The following MED12L variants were observed in gnomAD, a reference collection of about 807,000 sequenced individuals.
MED12L encodes the protein mediator of RNA polymerase II transcription subunit 12-like protein.
A neutral mutation model predicts 281.3 loss-of-function variants in MED12L; 60 were observed. The ratio of observed to expected loss-of-function variants is 0.21; its 90% CI spans 0.17 to 0.26. MED12L has a LOEUF of 0.26. Ranked by LOEUF, MED12L falls within the 10% of genes least tolerant of loss-of-function variation. The probability of loss-of-function intolerance (pLI) is 1.00; values close to 1 mark genes in which losing one functional copy is unlikely to be tolerated. For missense variants in MED12L, 2,146 were observed against 2,680.9 expected (o/e 0.80, Z 4.41); for synonymous variants, 974 against 987.2 (o/e 0.99, Z 0.25).
chr3:151,406,802 CT>C (rs36114038), intron 39 of MED12L, among the ~76,000 whole-genome samples: 38,858 of 137,040 alleles, frequency 0.28, 5,633 homozygotes, highest in Non-Finnish European at 0.36. Flanking sequence ...TCTTCTTCTT[CT>C]TTTTTTTTTT....
At position 151,435,056 on chromosome 3, in the gene MED12L, A is replaced by C. The variant is rs915192493; in HGVS notation, c.*2252A>C. The C allele has an allele frequency of 7.3e-5, 10 of 136,204 alleles. No homozygotes were observed. The highest frequency in any genetic ancestry group is 1.5e-4 in the Non-Finnish European group (10 of 64,956). The allele number at this position is 136,204 out of a possible 1,614,324, so 8.4% of individuals were successfully genotyped here. On this transcript the variant is annotated 3_prime_UTR_variant, in exon 45 of 45. Transcript: ENST00000687756. ...CTCCCTGTTAATTCTGTATCTTGAG[A>C]GGTTTCTTTTTTTTTTTTTTTTTTT... is the stretch of plus-strand genomic sequence containing the variant.
Position 151,243,430 on chromosome 3 carries a change from C to A in MED12L, c.2250+49764C>A, listed in dbSNP as rs565105759. 2.9e-3 allele frequency among the ~76,000 whole-genome samples: 436 copies of A among 152,002 alleles called. 3 individuals are homozygous for A. The highest frequency in any genetic ancestry group is 0.01 in the African/African-American group (420 of 41,428). On this transcript the variant is annotated intron_variant, in intron 16 of 44. Coordinates refer to ENST00000687756, the MANE Select transcript of MED12L (RefSeq NM_001393769.1). Reference sequence around the variant, plus strand: ...AACAGCGGATCTCTCGGCAGAAACCCTACAAGCCAGAAGAGAGTGGGGGCC... The same window carrying A: ...AACAGCGGATCTCTCGGCAGAAACCATACAAGCCAGAAGAGAGTGGGGGCC...
chr3:151,088,060 A>G (rs1049883587), intron 2 of MED12L, among the ~76,000 whole-genome samples: 10 of 152,232 alleles, frequency 6.6e-5, no homozygotes, highest in Non-Finnish European at 1.5e-4. Flanking sequence ...TAGCACAGAA[A>G]GGGCCTTGTA....
intron 16 of MED12L, chr3:151,212,246 A>G (rs536619888): frequency 1.3e-5 from 2 of 152,336 alleles, no homozygotes; most frequent in Admixed American, 6.5e-5. Context: ...TTAATAGCAG[A>G]GAAAGAATTT....
chr3:151,215,886 G>T (rs980417010), intron 16 of MED12L, among the ~76,000 whole-genome samples: 4 of 152,152 alleles, frequency 2.6e-5, no homozygotes, highest in African/African-American at 9.7e-5. Context: ...ATTTCTCTCA[G>T]CCTGGACCTT....
At position 151,190,868 on chromosome 3, in the gene MED12L, G is replaced by A. The variant is rs377002834; in HGVS notation, c.1905G>A (p.Pro635=). 1.1e-5 allele frequency: 17 copies of A among 1,613,986 alleles called. No homozygotes were observed. Among genetic ancestry groups the A allele is most frequent in the Middle Eastern group, 1.6e-4 (1 of 6,084 alleles). ...GDLSVTASTR[P]RSPVGENADE... is the part of the protein sequence containing the mutation. ...TGTCAGTCACTGCCTCAACTCGGCC[G>A]CGGTCACCAGTAGGGGAAAATGCAG... Residue 635 remains proline (P), a synonymous_variant, in exon 14 of 45, where the codon CCG becomes CCA. Coordinates refer to ENST00000687756, the MANE Select transcript of MED12L (RefSeq NM_001393769.1).
intron 5 of MED12L, among the ~76,000 whole-genome samples, chr3:151,141,178 G>GTTTTTTTTTTTT (rs370095367): frequency 5.9e-5 from 6 of 102,186 alleles, no homozygotes; most frequent in East Asian, 3.3e-4. Flanking sequence ...TTTTTTTTTT[G>GTTTTTTTTTTTT]TTTTTTTTGT....
At chr3:151,237,336 C>CT (rs1210483322) in intron 16 of MED12L, among the ~76,000 whole-genome samples, 2,052 of 96,334 alleles carry the variant, frequency 0.021, 49 homozygotes, top group African/African-American at 0.063. Context: ...CCACGCCTGG[C>CT]TTTTTTTTTT....
chr3:151,105,668 C>A (rs1323259497), intron 2 of MED12L, among the ~76,000 whole-genome samples: 1 of 152,158 alleles, frequency 6.6e-6, no homozygotes, highest in Non-Finnish European at 1.5e-5. Flanking sequence ...GTCTTAGGTC[C>A]TGGTCTTTTC....
intron 43 of MED12L, among the ~76,000 whole-genome samples, chr3:151,417,402 T>C (rs1374135820): frequency 6.6e-6 from 1 of 151,586 alleles, no homozygotes. Context: ...GACCAGAACA[T>C]GGTCAACTGG....
intron 17 of MED12L, among the ~76,000 whole-genome samples, chr3:151,353,763 C>T (rs1223565435): frequency 6.6e-6 from 1 of 152,104 alleles, no homozygotes; most frequent in Non-Finnish European, 1.5e-5. Context: ...GTAAAGTAAC[C>T]TTTGTTCTCT....
intron 16 of MED12L, among the ~76,000 whole-genome samples, chr3:151,334,192 C>CTTTTTTGTTTTTTTTTTTTTTTTTT (rs71848482): frequency 1.0e-5 from 1 of 99,450 alleles, no homozygotes; most frequent in African/African-American, 4.0e-5. Flanking sequence ...TTCTTTCTTT[C>CTTTTTTGTTTTTTTTTTTTTTTTTT]TTTCTTTTTT....
intron 4 of MED12L, among the ~76,000 whole-genome samples, chr3:151,124,535 AT>A (rs1302783524): frequency 1.5e-4 from 23 of 152,334 alleles, no homozygotes; most frequent in African/African-American, 5.3e-4. Flanking sequence ...AAAGCAATAC[AT>A]TCTCTGCATG....
At chr3:151,325,116 G>A (rs1749439064) in intron 16 of MED12L, among the ~76,000 whole-genome samples, 1 of 152,086 alleles carries the variant, frequency 6.6e-6, no homozygotes, top group South Asian at 2.1e-4. Context: ...AGAAATAATG[G>A]GATTAATAAG....
intron 16 of MED12L, among the ~76,000 whole-genome samples, chr3:151,281,956 C>G (rs1365068610): frequency 6.6e-6 from 1 of 152,218 alleles, no homozygotes; most frequent in South Asian, 2.1e-4. Context: ...GCATAAATAG[C>G]TGGCTGGCTT....
intron 16 of MED12L, chr3:151,328,051 C>T (rs1749861685): frequency 6.2e-7 from 1 of 1,605,814 alleles, no homozygotes; most frequent in Non-Finnish European, 8.5e-7. Flanking sequence ...ATGCTGTGGT[C>T]TTTCTCCCTT....
intron 16 of MED12L, among the ~76,000 whole-genome samples, chr3:151,291,162 T>C (rs1167810018): frequency 6.6e-5 from 5 of 76,074 alleles, no homozygotes; most frequent in Admixed American, 5.5e-4. Context: ...TTTTTTTTTT[T>C]TTTGTTTTTA....
rs1720159981 is a variant in MED12L, at chr3:151,436,145, C to CATCA, written c.*3344_*3347dup. ...GTTATTAAAACATTTTTGTATTCCC[C>CATCA]ATCAATGAAAATTTTCAGTGTGAAC... On this transcript the variant is annotated 3_prime_UTR_variant, in exon 45 of 45. Transcript: ENST00000687756. The CATCA allele has an allele frequency of 6.6e-6, 1 of 151,980 alleles. No individual in the cohort carries two copies. Among genetic ancestry groups the CATCA allele is most frequent in the African/African-American group, 2.4e-5 (1 of 41,388 alleles). 9.4% of individuals were successfully genotyped at this position (151,980 alleles called of 1,614,324 possible).
In MED12L at chr3:151,285,301, G is replaced by A. The variant is rs190808979; in HGVS notation, c.2251-64758G>A. Among the ~76,000 whole-genome samples, 382 of 151,892 alleles carry A rather than the reference G, an allele frequency of 2.5e-3. 1 individual carries two copies. Among genetic ancestry groups the A allele is most frequent in the Middle Eastern group, 0.01 (3 of 294 alleles). On this transcript the variant is annotated intron_variant, in intron 16 of 44. Transcript: ENST00000687756. ...AGATCAAGACCATCCTGGCTAACAC[G>A]GTGAAACCCCGTCTCTACTAAAAAA...
Sources: allele counts gnomAD v4.1 joint callset (sites outside exome capture counted in the v4.1 genomes callset), GRCh38; gene constraint gnomAD v4.1.1; transcripts MANE v1.5; gene names NCBI Gene and HGNC (gene_info 2026-07-23, HGNC 2026-07-21).